The following MECOM variants were observed in gnomAD, a reference collection of about 807,000 sequenced individuals.
MECOM encodes MDS1 and EVI1 complex locus.
MECOM carries 13 observed loss-of-function variants against 116.3 expected under a neutral mutation model. The observed-to-expected ratio is 0.11, with a 90% CI of 0.07 to 0.18. The LOEUF (loss-of-function observed/expected upper bound fraction) is 0.18, where lower values mean the gene tolerates loss of function less well. Ranked by LOEUF, MECOM falls within the 10% of genes least tolerant of loss-of-function variation. The pLI is 1.00. For synonymous variants in MECOM, 528 were observed against 535.2 expected (o/e 0.99, Z 0.19); for missense variants, 1,299 against 1,509.0 (o/e 0.86, Z 2.31).
At chr3:169,139,452 T>C (rs1737424110) in intron 3 of MECOM, among the ~76,000 whole-genome samples, 1 of 151,996 alleles carries the variant, frequency 6.6e-6, no homozygotes, top group African/African-American at 2.4e-5. Flanking sequence ...CAAAACATTA[T>C]CCCAAAGTAC....
intron 1 of MECOM, among the ~76,000 whole-genome samples, chr3:169,496,009 T>G (rs549577308): frequency 1.3e-5 from 2 of 152,320 alleles, no homozygotes; most frequent in East Asian, 3.9e-4. Flanking sequence ...CGACTCCAAC[T>G]AGAAGTCACA....
chr3:169,562,243 C>T (rs1303610186), intron 1 of MECOM, among the ~76,000 whole-genome samples: 1 of 148,426 alleles, frequency 6.7e-6, no homozygotes, highest in Non-Finnish European at 1.5e-5. Context: ...CAATAAAATT[C>T]TCTTGCAAGG....
intron 7 of MECOM, 133 bp from the exon 8 acceptor site, chr3:169,116,872 G>GC: frequency 8.8e-7 from 1 of 1,136,384 alleles, no homozygotes; most frequent in African/African-American, 1.6e-5. Context: ...CAATCTGGGT[G>GC]CTCCAAACAC....
In MECOM at chr3:169,412,887, A is replaced by G. The variant is rs567191825; in HGVS notation, c.38-31363T>C. Reference sequence around the variant, plus strand: ...AAAGTTTAAACTGTTCAGTTCAGTGACTGTTGAATTTCAGCTCCTGAAATA... The same window carrying G: ...AAAGTTTAAACTGTTCAGTTCAGTGGCTGTTGAATTTCAGCTCCTGAAATA... On this transcript the variant is annotated intron_variant, in intron 1 of 16. Transcript: ENST00000651503. Among the ~76,000 whole-genome samples, 264 of 152,336 alleles carry G rather than the reference A, an allele frequency of 1.7e-3. 2 individuals carry two copies. Among genetic ancestry groups the G allele is most frequent in the African/African-American group, 5.8e-3 (242 of 41,584 alleles).
At chr3:169,592,495 A>G (rs1013454505) in intron 1 of MECOM, among the ~76,000 whole-genome samples, 4 of 151,594 alleles carry the variant, frequency 2.6e-5, no homozygotes, top group African/African-American at 7.3e-5. Flanking sequence ...CTTCTCCTCT[A>G]CCCTCTGGGG....
At chr3:169,385,861 C>G (rs901517627) in intron 1 of MECOM, among the ~76,000 whole-genome samples, 14 of 152,088 alleles carry the variant, frequency 9.2e-5, no homozygotes, top group Non-Finnish European at 1.3e-4. Context: ...AGGTAAGTAT[C>G]AGGTAAGAAG....
Position 169,598,047 on chromosome 3 carries a change from A to C in MECOM, c.37+65289T>G, listed in dbSNP as rs535215786. On this transcript the variant is annotated intron_variant, in intron 1 of 16. Transcript: ENST00000651503. ...GCCCCTACAGGAAACCATAATAAAT[A>C]AGAGAAAAACACCCAGTATATCAAC... 7.9e-5 allele frequency among the ~76,000 whole-genome samples: 12 copies of C among 152,320 alleles called. No individual in the cohort carries two copies. The South Asian group carries it at 2.5e-3, about 32-fold the overall frequency.
chr3:169,159,323 G>A (rs988290308), intron 2 of MECOM, among the ~76,000 whole-genome samples: 5 of 152,092 alleles, frequency 3.3e-5, no homozygotes, highest in Admixed American at 6.5e-5. Flanking sequence ...ACTCTGGGAC[G>A]CCAAGGTGGG....
rs140809270 is a variant in MECOM at position 169,553,271 on chromosome 3, G to A, written c.37+110065C>T. Among the ~76,000 whole-genome samples the A allele has an allele frequency of 4.1e-3, 618 of 152,152 alleles. 6 individuals carry two copies. The highest frequency in any genetic ancestry group is 0.014 in the African/African-American group (587 of 41,514). On this transcript the variant is annotated intron_variant, in intron 1 of 16. Coordinates refer to ENST00000651503, the MANE Select transcript of MECOM (RefSeq NM_004991.4). ...AAAAAATAAAGCATAAAAAAGGGGG[G>A]TTCTGTTCATTTTAGAAGGGGATAA...
chr3:169,359,623 C>A (rs1727861025), intron 2 of MECOM, among the ~76,000 whole-genome samples: 2 of 151,630 alleles, frequency 1.3e-5, no homozygotes, highest in African/African-American at 2.4e-5. Context: ...ATTCTTCTAC[C>A]TTTATATTGC....
At chr3:169,092,196 G>T (rs1719941280) in intron 14 of MECOM, among the ~76,000 whole-genome samples, 1 of 151,918 alleles carries the variant, frequency 6.6e-6, no homozygotes, top group South Asian at 2.1e-4. Context: ...CTTAATGTTG[G>T]TGATGATAAA....
intron 2 of MECOM, among the ~76,000 whole-genome samples, chr3:169,195,205 C>T (rs1748258266): frequency 6.6e-6 from 1 of 152,024 alleles, no homozygotes; most frequent in Non-Finnish European, 1.5e-5. Context: ...TGTCAATGTT[C>T]CATTATAATT....
intron 2 of MECOM, among the ~76,000 whole-genome samples, chr3:169,181,068 A>G (rs1044583228): frequency 2.0e-5 from 3 of 152,056 alleles, no homozygotes; most frequent in Non-Finnish European, 2.9e-5. Flanking sequence ...TGTAATCCTC[A>G]TAACTAACCT....
intron 2 of MECOM, among the ~76,000 whole-genome samples, chr3:169,169,491 C>A (rs912686565): frequency 1.3e-5 from 2 of 152,118 alleles, no homozygotes; most frequent in African/African-American, 4.8e-5. Flanking sequence ...ATCCAGGTGG[C>A]ATACTTTCTC....
intron 1 of MECOM, among the ~76,000 whole-genome samples, chr3:169,546,160 T>C (rs775013914): frequency 6.6e-6 from 1 of 152,220 alleles, no homozygotes; most frequent in Non-Finnish European, 1.5e-5. Flanking sequence ...TTATTTCTAA[T>C]TCTTTTAAAA....
intron 1 of MECOM, among the ~76,000 whole-genome samples, chr3:169,581,673 A>G (rs1163116416): frequency 6.6e-6 from 1 of 152,078 alleles, no homozygotes; most frequent in Non-Finnish European, 1.5e-5. Context: ...GGGGAGCTGG[A>G]GGTGCTTAGC....
At chr3:169,175,303 A>T in intron 2 of MECOM, among the ~76,000 whole-genome samples, 1 of 152,038 alleles carries the variant, frequency 6.6e-6, no homozygotes, top group Non-Finnish European at 1.5e-5. Flanking sequence ...AAAATATGAC[A>T]TTTTTGAGTG....
intron 11 of MECOM, among the ~76,000 whole-genome samples, chr3:169,101,264 T>C (rs980110575): frequency 3.3e-5 from 5 of 152,234 alleles, no homozygotes; most frequent in Non-Finnish European, 7.3e-5. Context: ...ATTTTTACAT[T>C]CACAAAATTG....
chr3:169,144,964 T>C, intron 2 of MECOM: 4 of 1,537,690 alleles, frequency 2.6e-6, no homozygotes, highest in Non-Finnish European at 2.7e-6. Flanking sequence ...ATTCAGGCAA[T>C]CACCCAATTG....
Sources: allele counts gnomAD v4.1 joint callset (sites outside exome capture counted in the v4.1 genomes callset), GRCh38; gene constraint gnomAD v4.1.1; transcripts MANE v1.5; gene names NCBI Gene and HGNC (gene_info 2026-07-23, HGNC 2026-07-21).